TET3: variants seen among roughly 807,000 people sequenced by gnomAD.
The protein encoded by TET3 is tet methylcytosine dioxygenase 3.
Under a neutral mutation model 141.4 loss-of-function variants are expected in TET3, and 19 were observed. The ratio of observed to expected loss-of-function variants is 0.13; its 90% CI spans 0.09 to 0.20. TET3 has a LOEUF of 0.20. TET3 is among the 10% of genes least tolerant of loss of function. TET3 has a pLI of 1.00. For synonymous variants in TET3, 1,043 were observed against 980.9 expected (o/e 1.06, Z -1.18); for missense variants, 1,874 against 2,356.9 (o/e 0.80, Z 4.24).
chr2:74,131,471 C>T, the TET3 span, among the ~76,000 whole-genome samples: 1 of 152,210 alleles, frequency 6.6e-6, no homozygotes, highest in South Asian at 2.1e-4. Flanking sequence ...CAGTCTGTGT[C>T]TGGGTGGGGC....
chr2:74,009,423 G>C (rs758576059), intron 3 of TET3, among the ~76,000 whole-genome samples: 1 of 152,234 alleles, frequency 6.6e-6, no homozygotes, highest in Non-Finnish European at 1.5e-5. Flanking sequence ...AATAGGCTCA[G>C]GCTGGGGTAC....
chr2:74,030,981 TC>T lies in TET3; in HGVS notation c.361-15295del, dbSNP rs1217898991. Among the ~76,000 whole-genome samples, 5 of 152,108 alleles carry T rather than the reference TC, an allele frequency of 3.3e-5. No individual in the cohort carries two copies. In the East Asian group the frequency reaches 5.8e-4, roughly 18 times the overall value. On this transcript the variant is annotated intron_variant, in intron 3 of 11. Coordinates refer to ENST00000409262, the MANE Select transcript of TET3 (RefSeq NM_001287491.2). ...CGTGATTTTTTTTTGTAAAGGGATG[TC>T]CGGGGGGGAGTTGCTGAGGAAAAGG...
In TET3 at chr2:74,101,771, C is replaced by T. The variant is rs1437469966; in HGVS notation, c.4983C>T (p.Gly1661=). 1.2e-6 allele frequency: 2 copies of T among 1,613,154 alleles called. No homozygotes were observed. The highest frequency in any genetic ancestry group is 1.6e-4 in the Middle Eastern group (1 of 6,062). The change falls in exon 12 of 12, where the codon GGC becomes GGT. Residue 1661 remains glycine, a synonymous_variant. Transcript: ENST00000409262. This position sits in a 1 kb window ranked among gnomAD's most constrained non-coding sequence, Gnocchi z 8.5. ...IGGVAVAPAH[G]SILIECARRE... is the part of the protein sequence containing the mutation. The stretch of plus-strand genomic sequence containing the variant: ...GCGTGGCCGTGGCCCCAGCCCACGG[C>T]TCCATCCTCATCGAGTGTGCCCGGC...
intron 2 of TET3, among the ~76,000 whole-genome samples, chr2:73,993,031 A>C (rs969159755): frequency 2.0e-5 from 3 of 152,220 alleles, no homozygotes; most frequent in African/African-American, 7.2e-5. Context: ...TGCCCTGTTC[A>C]GTCTGTCAGC....
At chr2:74,034,712 TGATTTTTATGA>T (rs1686936098) in intron 3 of TET3, among the ~76,000 whole-genome samples, 1 of 152,148 alleles carries the variant, frequency 6.6e-6, no homozygotes, top group South Asian at 2.1e-4. Flanking sequence ...TTCCATGATG[TGATTTTTATGA>T]GTAATGCTGC....
rs530141110 is a variant in TET3, at chr2:74,039,730, T to TC, written c.361-6547dup. Among the ~76,000 whole-genome samples the TC allele has an allele frequency of 2.3e-3, 346 of 152,254 alleles. 2 individuals are homozygous for TC. Among genetic ancestry groups the TC allele is most frequent in the Admixed American group, 4.6e-3 (70 of 15,294 alleles). On this transcript the variant is annotated intron_variant, in intron 3 of 11. Transcript: ENST00000409262. ...GGGCTGGAATCCTCGAAGGGCTCCT[T>TC]CACTCACACATTTGGCAGATGATGG... is the stretch of plus-strand genomic sequence containing the variant.
At chr2:74,132,066 C>T in the TET3 span, among the ~76,000 whole-genome samples, 1 of 152,118 alleles carries the variant, frequency 6.6e-6, no homozygotes, top group Non-Finnish European at 1.5e-5. Flanking sequence ...GCGGCTTGGC[C>T]CACAAAGCCA....
intron 2 of TET3, among the ~76,000 whole-genome samples, chr2:74,002,026 G>C (rs1041389800): frequency 1.3e-5 from 2 of 152,066 alleles, no homozygotes; most frequent in African/African-American, 4.8e-5. Context: ...GTTGACACAG[G>C]AGGTGTGGGC....
chr2:74,027,337 C>CTTT (rs10649560), intron 3 of TET3, among the ~76,000 whole-genome samples: 19,600 of 139,442 alleles, frequency 0.14, 1,599 homozygotes, highest in Non-Finnish European at 0.19. Flanking sequence ...TGAGAAGTGA[C>CTTT]TTTTTTTTTT....
chr2:74,071,993 A>G (rs1348570865), intron 4 of TET3, among the ~76,000 whole-genome samples: 1 of 152,194 alleles, frequency 6.6e-6, no homozygotes, highest in Non-Finnish European at 1.5e-5. Context: ...CATTTAGTAC[A>G]TTCACAATGT....
chr2:74,087,141 T>A lies in TET3; in HGVS notation c.2680-689T>A, dbSNP rs1166332043. ...GGGTTCATCCATGTTGTAACATGGA[T>A]CAGAATTTTGTTTCTCTTTAAGGCT... On this transcript the variant is annotated intron_variant, in intron 6 of 11. Coordinates refer to ENST00000409262, the MANE Select transcript of TET3 (RefSeq NM_001287491.2). This position sits in a 1 kb window ranked among gnomAD's most constrained non-coding sequence, Gnocchi z 4.3. Among the ~76,000 whole-genome samples, 2 of 152,202 alleles carry A rather than the reference T, an allele frequency of 1.3e-5. No homozygotes were observed. Among genetic ancestry groups the A allele is most frequent in the Non-Finnish European group, 2.9e-5 (2 of 68,044 alleles).
chr2:74,101,636 C>T lies in TET3; in HGVS notation c.4848C>T (p.Pro1616=), dbSNP rs1572906956. ...TGGAGGAGGGGCCGGCTGAGGAGCCCCCCAGCAAGGGAGCGGTGAAGGAGG... is the reference window on the plus strand; with the variant it reads ...TGGAGGAGGGGCCGGCTGAGGAGCCTCCCAGCAAGGGAGCGGTGAAGGAGG... ...FSLEEGPAEE[P]PSKGAVKEEK... is the part of the protein sequence containing the mutation. Residue 1616 remains proline (P), a synonymous_variant, in exon 12 of 12, where the codon CCC becomes CCT. Transcript: ENST00000409262. This position sits in a 1 kb window ranked among gnomAD's most constrained non-coding sequence, Gnocchi z 8.5. 6.2e-7 allele frequency: 1 copy of T among 1,613,408 alleles called. No individual in the cohort carries two copies. Among genetic ancestry groups the T allele is most frequent in the East Asian group, 2.2e-5 (1 of 44,856 alleles).
the TET3 span, among the ~76,000 whole-genome samples, chr2:74,123,506 C>T: frequency 3.9e-5 from 6 of 152,182 alleles, no homozygotes; most frequent in Non-Finnish European, 7.4e-5. Flanking sequence ...CCAAGAAACA[C>T]GCCAGCCAGG....
intron 10 of TET3, among the ~76,000 whole-genome samples, chr2:74,094,334 GAAC>G (rs542230882): frequency 1.1e-3 from 167 of 152,276 alleles, no homozygotes; most frequent in Middle Eastern, 6.8e-3. Flanking sequence ...TGTGTTCAGG[GAAC>G]AACAGGAAGG....
chr2:74,069,245 A>G (rs560823009), intron 4 of TET3, among the ~76,000 whole-genome samples: 2 of 151,600 alleles, frequency 1.3e-5, no homozygotes, highest in East Asian at 3.9e-4. Context: ...TCCTAACACT[A>G]CACATTGAAA....
intron 3 of TET3, among the ~76,000 whole-genome samples, chr2:74,010,419 C>T (rs898549949): frequency 1.3e-5 from 2 of 152,180 alleles, no homozygotes; most frequent in African/African-American, 2.4e-5. Context: ...AATGCTCCCA[C>T]CCCCACAGCC....
Position 74,101,115 on chromosome 2 carries a change from A to G in TET3, c.4327A>G (p.Ser1443Gly). 1 of 1,613,656 alleles carries G rather than the reference A, an allele frequency of 6.2e-7. No homozygotes were observed. The highest frequency in any genetic ancestry group is 8.5e-7 in the Non-Finnish European group (1 of 1,179,758). ...TTGGGGACAGTACTCAGGAGGCCCA[A>G]GCATGTCCCCCAAGAGGACTAACGG... Reference protein sequence around the residue: ...HLWGQYSGGPSMSPKRTNGVG... With the variant: ...HLWGQYSGGPGMSPKRTNGVG... Residue 1443 changes from serine (S) to glycine (G), a missense_variant, in exon 12 of 12, where the codon AGC becomes GGC. By Grantham distance (56) the Ser-to-Gly change is moderately conservative. Transcript: ENST00000409262. This position sits in a 1 kb window ranked among gnomAD's most constrained non-coding sequence, Gnocchi z 8.5.
At chr2:74,083,642 C>T (rs1689955096) in intron 6 of TET3, among the ~76,000 whole-genome samples, 1 of 152,186 alleles carries the variant, frequency 6.6e-6, no homozygotes. Context: ...GTGTTTCATC[C>T]TGCCAGGCTC....
At chr2:74,066,289 G>A (rs1249815750) in intron 4 of TET3, among the ~76,000 whole-genome samples, 1 of 151,964 alleles carries the variant, frequency 6.6e-6, no homozygotes, top group Non-Finnish European at 1.5e-5. Flanking sequence ...TTAGTTCCTA[G>A]CTCAGGATCC....
Sources: allele counts gnomAD v4.1 joint callset (sites outside exome capture counted in the v4.1 genomes callset), GRCh38; gene constraint gnomAD v4.1.1; non-coding constraint Gnocchi (gnomAD v3.1); transcripts MANE v1.5; gene names NCBI Gene and HGNC (gene_info 2026-07-23, HGNC 2026-07-21).